GPRIN2: variants seen among roughly 807,000 people sequenced by gnomAD.
The protein encoded by GPRIN2 is G protein regulated inducer of neurite outgrowth 2.
In GPRIN2, 1 loss-of-function variant was observed where a neutral mutation model predicts 0.3. That is an observed-to-expected ratio of 3.90 (90% CI 1.39 to 18.51). GPRIN2 has a LOEUF of 18.51. Ranked by LOEUF, GPRIN2 falls within the 30% of genes most tolerant of loss-of-function variation. The pLI, the probability that GPRIN2 is intolerant of heterozygous loss-of-function variation, is 0.11. For synonymous variants in GPRIN2, 361 were observed against 258.6 expected (o/e 1.40, Z -3.80); for missense variants, 880 against 604.2 (o/e 1.46, Z -4.79).
intron 1 of GPRIN2, among the ~76,000 whole-genome samples, 187 bp from the exon 2 acceptor site, chr10:46,554,882 A>T (rs1831963706): frequency 4.3e-3 from 659 of 152,110 alleles, no homozygotes; most frequent in African/African-American, 0.015. Flanking sequence ...GACTACCAAG[A>T]CCACCACAAG....
chr10:46,554,445 A>G (rs1034607528), intron 2 of GPRIN2, 140 bp downstream of exon 2: 3 of 152,758 alleles, frequency 2.0e-5, no homozygotes, highest in Non-Finnish European at 4.4e-5. Flanking sequence ...AATGCCCAGA[A>G]TGGCACACCC....
At position 46,543,719 on chromosome 10, in the gene GPRIN2, C is replaced by G. The variant is rs1375047806; in HGVS notation, c.*5641G>C. On this transcript the variant is annotated 3_prime_UTR_variant, in exon 3 of 3. Transcript: ENST00000374314. ...ATTCCCACAATTTTCACATTCCCTC[C>G]CAATAAAGTAGGGCCATGAAAGATG... Among the ~76,000 whole-genome samples, 18 of 152,296 alleles carry G rather than the reference C, an allele frequency of 1.2e-4. No individual in the cohort carries two copies. The highest frequency in any genetic ancestry group is 1.2e-3 in the Admixed American group (18 of 15,278).
chr10:46,557,509 C>T (rs1371383738), upstream of GPRIN2, among the ~76,000 whole-genome samples: 1 of 152,310 alleles, frequency 6.6e-6, no homozygotes, highest in Non-Finnish European at 1.5e-5. Context: ...CCGCGGACCC[C>T]AACAGCGGGC....
chr10:46,556,784 C>A (rs1190008382), upstream of GPRIN2, among the ~76,000 whole-genome samples: 1 of 152,252 alleles, frequency 6.6e-6, no homozygotes, highest in East Asian at 1.9e-4. Context: ...GGATCTGCGT[C>A]CGCGCGCCCC....
At position 46,543,857 on chromosome 10, in the gene GPRIN2, C is replaced by T. The variant is rs1413627114; in HGVS notation, c.*5503G>A. 5.3e-5 allele frequency among the ~76,000 whole-genome samples: 8 copies of T among 152,298 alleles called. No individual in the cohort carries two copies. The highest frequency in any genetic ancestry group is 8.8e-5 in the Non-Finnish European group (6 of 68,054). ...CCAGGCAGGAGTCCTGGAGAGTGAC[C>T]GCACAAGTGAGCAAAGGCGGCATTC... is the stretch of plus-strand genomic sequence containing the variant. On this transcript the variant is annotated 3_prime_UTR_variant, in exon 3 of 3. Transcript: ENST00000374314.
Position 46,548,364 on chromosome 10 carries a change from T to G in GPRIN2, c.*996A>C, listed in dbSNP as rs1398587409. On this transcript the variant is annotated 3_prime_UTR_variant, in exon 3 of 3. Transcript: ENST00000374314. ...CTACCCCAGGGCCAGGGCAAACTCCTGCCCTGTCCCCCTCCATTCCTGCCC... is the reference window on the plus strand; with the variant it reads ...CTACCCCAGGGCCAGGGCAAACTCCGGCCCTGTCCCCCTCCATTCCTGCCC... Among the ~76,000 whole-genome samples the G allele has an allele frequency of 6.6e-6, 1 of 152,304 alleles. No homozygotes were observed. The highest frequency in any genetic ancestry group is 2.4e-5 in the African/African-American group (1 of 41,488).
In GPRIN2 at chr10:46,542,688, A is replaced by T. The variant is rs1833057170; in HGVS notation, c.*6672T>A. On this transcript the variant is annotated 3_prime_UTR_variant, in exon 3 of 3. Transcript: ENST00000374314. ...TTTATAGCAGCATGAAAATGGACTA[A>T]TATGGAGGGGTCAAAGACAGAAATC... 6.6e-6 allele frequency among the ~76,000 whole-genome samples: 1 copy of T among 152,430 alleles called. No individual in the cohort carries two copies. Among genetic ancestry groups the T allele is most frequent in the Admixed American group, 6.5e-5 (1 of 15,314 alleles).
At position 46,546,868 on chromosome 10, in the gene GPRIN2, G is replaced by C. The variant is rs1832878812; in HGVS notation, c.*2492C>G. 4.6e-5 allele frequency among the ~76,000 whole-genome samples: 7 copies of C among 152,422 alleles called. No homozygotes were observed. The East Asian group carries it at 1.3e-3, about 29-fold the overall frequency. The stretch of plus-strand genomic sequence containing the variant: ...GACACAGGTGTTGGATTTCAGCACC[G>C]CTCTGCAAATACTCATCTCAGTGAC... On this transcript the variant is annotated 3_prime_UTR_variant, in exon 3 of 3. Coordinates refer to ENST00000374314, the MANE Select transcript of GPRIN2 (RefSeq NM_001385282.1).
chr10:46,557,493 T>C (rs1309198271), upstream of GPRIN2, among the ~76,000 whole-genome samples: 1 of 152,312 alleles, frequency 6.6e-6, no homozygotes, highest in Non-Finnish European at 1.5e-5. Context: ...GCCTTCAGTC[T>C]CCCAGCCGCG....
chr10:46,551,100 G>T (rs1210007510), intron 2 of GPRIN2, among the ~76,000 whole-genome samples: 1 of 152,302 alleles, frequency 6.6e-6, no homozygotes, highest in Non-Finnish European at 1.5e-5. Flanking sequence ...TGGGGCTTTG[G>T]GGGTGAAACT....
intron 1 of GPRIN2, among the ~76,000 whole-genome samples, chr10:46,555,947 C>A (rs982119537): frequency 1.1e-4 from 17 of 152,416 alleles, no homozygotes; most frequent in African/African-American, 3.8e-4. Flanking sequence ...AAGCACCGCA[C>A]CACGCAGCCT....
rs1305496375 is a variant in GPRIN2 at position 46,549,951 on chromosome 10, C to T, written c.786G>A (p.Val262=). The change falls in exon 3 of 3, where the codon GTG becomes GTA. Residue 262 remains valine, a synonymous_variant. Transcript: ENST00000374314. ...ATGILAFPKL[V]ASVSESGLQA... ...GCAGCCCAGACTCGCTCACTGACGC[C>T]ACTAGTTTGGGAAAGGCCAGGATCC... The T allele has an allele frequency of 3.7e-6, 6 of 1,614,142 alleles. No homozygotes were observed. The highest frequency in any genetic ancestry group is 2.7e-5 in the African/African-American group (2 of 74,966).
upstream of GPRIN2, among the ~76,000 whole-genome samples, chr10:46,557,208 G>C (rs1843347345): frequency 6.6e-6 from 1 of 152,294 alleles, no homozygotes; most frequent in African/African-American, 2.4e-5. Flanking sequence ...ACCAGGCCTG[G>C]TCTCCACTAG....
rs1199225363 is a variant in GPRIN2 at position 46,548,028 on chromosome 10, TC to T, written c.*1331del. ...GAAAAGTAAGCCACCACTGTGGGGGTCCTGGGCTCCTAGGTGCAGAAGAGGC... is the reference window on the plus strand; with the variant it reads ...GAAAAGTAAGCCACCACTGTGGGGGTCTGGGCTCCTAGGTGCAGAAGAGGC... On this transcript the variant is annotated 3_prime_UTR_variant, in exon 3 of 3. Transcript: ENST00000374314. Among the ~76,000 whole-genome samples the T allele has an allele frequency of 6.6e-6, 1 of 152,294 alleles. No individual in the cohort carries two copies. Among genetic ancestry groups the T allele is most frequent in the Non-Finnish European group, 1.5e-5 (1 of 68,056 alleles).
rs556397304 is a variant in GPRIN2, at chr10:46,546,356, T to A, written c.*3004A>T. ...GCCCCTGGAGCAGACAGAGGGGGGA[T>A]TCCTGCTGAGGCAAGGGGCTCTAGG... On this transcript the variant is annotated 3_prime_UTR_variant, in exon 3 of 3. Transcript: ENST00000374314. Among the ~76,000 whole-genome samples the A allele has an allele frequency of 1.3e-5, 2 of 152,308 alleles. No individual in the cohort carries two copies. Among genetic ancestry groups the A allele is most frequent in the Non-Finnish European group, 2.9e-5 (2 of 68,056 alleles).
Position 46,549,212 on chromosome 10 carries a change from C to T in GPRIN2, c.*148G>A, listed in dbSNP as rs1832760722. The T allele has an allele frequency of 1.3e-4, 142 of 1,074,952 alleles. No homozygotes were observed. In the African/African-American group the frequency reaches 2.1e-3, roughly 16 times the overall value. 66.6% of individuals were successfully genotyped at this position (1,074,952 alleles called of 1,614,324 possible). On this transcript the variant is annotated 3_prime_UTR_variant, in exon 3 of 3. Transcript: ENST00000374314. ...GTGTAGGGCCGGAAGCCCCAGGCTGCAGTCCTGTGGTCTGGAGGCAGCCAA... is the reference window on the plus strand; with the variant it reads ...GTGTAGGGCCGGAAGCCCCAGGCTGTAGTCCTGTGGTCTGGAGGCAGCCAA...
chr10:46,546,999 T>G lies in GPRIN2; in HGVS notation c.*2361A>C, dbSNP rs1052522876. On this transcript the variant is annotated 3_prime_UTR_variant, in exon 3 of 3. Coordinates refer to ENST00000374314, the MANE Select transcript of GPRIN2 (RefSeq NM_001385282.1). ...GTGGCACCCAGCCAGCGTGAATGCA[T>G]AAGAATCTGCACGTGACACAGAAGA... Among the ~76,000 whole-genome samples the G allele has an allele frequency of 1.3e-5, 2 of 152,308 alleles. No homozygotes were observed. The highest frequency in any genetic ancestry group is 1.3e-4 in the Admixed American group (2 of 15,294).
upstream of GPRIN2, among the ~76,000 whole-genome samples, chr10:46,557,230 C>G (rs1043664434): frequency 2.0e-5 from 3 of 152,306 alleles, no homozygotes; most frequent in African/African-American, 7.2e-5. Context: ...CTCGGACTTT[C>G]CAGCCCCAGG....
intron 2 of GPRIN2, 46 bp from the exon 3 acceptor site, chr10:46,550,788 G>A: frequency 6.7e-7 from 1 of 1,482,254 alleles, no homozygotes. Flanking sequence ...TTGGGTGGCA[G>A]CACCTAAGCC....
Sources: allele counts gnomAD v4.1 joint callset (sites outside exome capture counted in the v4.1 genomes callset), GRCh38; gene constraint gnomAD v4.1.1; transcripts MANE v1.5; gene names NCBI Gene and HGNC (gene_info 2026-07-23, HGNC 2026-07-21).